The following NELL1 variants were observed in gnomAD, a reference collection of about 807,000 sequenced individuals.
The protein encoded by NELL1 is protein kinase C-binding protein NELL1.
Under a neutral mutation model 107.4 loss-of-function variants are expected in NELL1, and 76 were observed. The observed-to-expected ratio is 0.71, with a 90% confidence interval of 0.59 to 0.86. The LOEUF (loss-of-function observed/expected upper bound fraction) is 0.86. NELL1 is among the 40% of genes least tolerant of loss of function. NELL1 has a pLI of 0.00. For missense variants in NELL1, 1,024 were observed against 1,005.5 expected (o/e 1.02, Z -0.25); for synonymous variants, 353 against 341.2 (o/e 1.03, Z -0.38).
intron 14 of NELL1, among the ~76,000 whole-genome samples, chr11:21,323,211 A>C (rs1250673963): frequency 6.6e-6 from 1 of 152,156 alleles, no homozygotes; most frequent in South Asian, 2.1e-4. Context: ...GAATGTAACA[A>C]ATTTTTAAAC....
chr11:20,748,812 A>C (rs1459132417), intron 2 of NELL1, among the ~76,000 whole-genome samples: 3 of 152,000 alleles, frequency 2.0e-5, no homozygotes, highest in Non-Finnish European at 4.4e-5. Flanking sequence ...TCCACTCATC[A>C]GTTGATGGGC....
intron 5 of NELL1, among the ~76,000 whole-genome samples, chr11:20,895,873 GC>G (rs1054251911): frequency 5.3e-5 from 8 of 152,072 alleles, no homozygotes; most frequent in Admixed American, 5.2e-4. Flanking sequence ...CATCCGTGTT[GC>G]TGCAAATGAC....
In NELL1 at chr11:21,398,717, G is replaced by T. The variant is rs895825119; in HGVS notation, c.1645+27769G>T. Among the ~76,000 whole-genome samples, 18 of 151,666 alleles carry T rather than the reference G, an allele frequency of 1.2e-4. 1 individual carries two copies. Among genetic ancestry groups the T allele is most frequent in the Admixed American group, 3.3e-4 (5 of 15,192 alleles). On this transcript the variant is annotated intron_variant, in intron 15 of 19. Coordinates refer to ENST00000357134, the MANE Select transcript of NELL1 (RefSeq NM_006157.5). ...GGCAGATGCTCAGTAAATGGCCTCT[G>T]AACAGAATTGAATTTTAAGTTCCTT...
intron 13 of NELL1, among the ~76,000 whole-genome samples, chr11:21,119,791 T>G (rs564066173): frequency 6.6e-6 from 1 of 152,184 alleles, no homozygotes; most frequent in African/African-American, 2.4e-5. Flanking sequence ...TGCTTTTGGT[T>G]TTTGGAATAG....
rs373389079 is a variant in NELL1 at position 20,725,695 on chromosome 11, C to T, written c.184+47635C>T. Among the ~76,000 whole-genome samples the T allele has an allele frequency of 3.3e-5, 5 of 152,284 alleles. No individual in the cohort carries two copies. The South Asian group carries it at 8.3e-4, about 25-fold the overall frequency. On this transcript the variant is annotated intron_variant, in intron 2 of 19. Transcript: ENST00000357134. ...GCAGAATAAAAATTAGAATCCAGGT[C>T]GTACTAGGAATTAGTTTTGATGTTT...
chr11:21,365,932 C>T, intron 14 of NELL1, among the ~76,000 whole-genome samples: 1 of 152,126 alleles, frequency 6.6e-6, no homozygotes, highest in East Asian at 1.9e-4. Flanking sequence ...CCACTATTGA[C>T]ATTTTGGGCC....
chr11:21,292,971 A>G (rs1849303483), intron 14 of NELL1, among the ~76,000 whole-genome samples: 1 of 152,168 alleles, frequency 6.6e-6, no homozygotes, highest in Admixed American at 6.5e-5. Context: ...AACCATAAAA[A>G]CCCTAGAAGA....
At chr11:20,928,222 A>G (rs550422658) in intron 8 of NELL1, among the ~76,000 whole-genome samples, 155 bp from the exon 9 acceptor site, 1 of 152,284 alleles carries the variant, frequency 6.6e-6, no homozygotes, top group Non-Finnish European at 1.5e-5. Context: ...CGGGCCGGAG[A>G]AAACACTTCA....
At chr11:21,356,301 T>C (rs1565184669) in intron 14 of NELL1, among the ~76,000 whole-genome samples, 1 of 152,208 alleles carries the variant, frequency 6.6e-6, no homozygotes, top group Non-Finnish European at 1.5e-5. Flanking sequence ...GTGCACAATA[T>C]ATATTTATTG....
intron 15 of NELL1, among the ~76,000 whole-genome samples, chr11:21,434,194 G>A (rs1853043997): frequency 6.6e-6 from 1 of 151,958 alleles, no homozygotes; most frequent in South Asian, 2.1e-4. Context: ...TTTTTTGATT[G>A]ATATAGCCCC....
At chr11:20,757,634 C>T (rs1688065651) in intron 2 of NELL1, among the ~76,000 whole-genome samples, 1 of 152,194 alleles carries the variant, frequency 6.6e-6, no homozygotes, top group Non-Finnish European at 1.5e-5. Flanking sequence ...AAATGAGTTT[C>T]CTTAACTCTT....
chr11:21,038,266 A>G (rs1019084632), intron 12 of NELL1, among the ~76,000 whole-genome samples: 1 of 152,182 alleles, frequency 6.6e-6, no homozygotes, highest in South Asian at 2.1e-4. Flanking sequence ...ATGAGATTCA[A>G]TCAGTGAGGC....
intron 15 of NELL1, among the ~76,000 whole-genome samples, chr11:21,532,914 C>T (rs1365833567): frequency 2.0e-5 from 3 of 152,120 alleles, no homozygotes; most frequent in African/African-American, 7.2e-5. Context: ...ACATATGTCC[C>T]AGAGAACCTG....
chr11:21,169,843 C>G, intron 13 of NELL1: 1 of 1,413,136 alleles, frequency 7.1e-7, no homozygotes, highest in Non-Finnish European at 9.9e-7. Context: ...GTGCTTGCAC[C>G]CCAGAGTCCC....
intron 4 of NELL1, among the ~76,000 whole-genome samples, chr11:20,850,021 G>C (rs1373900906): frequency 6.6e-6 from 1 of 152,146 alleles, no homozygotes; most frequent in Admixed American, 6.5e-5. Flanking sequence ...TTAGAAAGAG[G>C]GGAAGGAATT....
intron 14 of NELL1, among the ~76,000 whole-genome samples, chr11:21,238,488 G>A (rs1427211404): frequency 2.6e-5 from 4 of 152,032 alleles, no homozygotes; most frequent in African/African-American, 9.7e-5. Flanking sequence ...CACTGAGAAG[G>A]ATGACCAGAG....
In NELL1 at chr11:21,422,884, T is replaced by G. The variant is rs142107748; in HGVS notation, c.1645+51936T>G. Among the ~76,000 whole-genome samples the G allele has an allele frequency of 3.2e-3, 482 of 152,194 alleles. 3 individuals carry two copies. Among genetic ancestry groups the G allele is most frequent in the African/African-American group, 0.011 (475 of 41,512 alleles). On this transcript the variant is annotated intron_variant, in intron 15 of 19. Coordinates refer to ENST00000357134, the MANE Select transcript of NELL1 (RefSeq NM_006157.5). ...TAGATTAATCTCTCCAATCAAGAGA[T>G]AGAGATGGGCAGAATGGGTTTTTTA...
intron 5 of NELL1, among the ~76,000 whole-genome samples, chr11:20,894,899 C>T (rs1849692341): frequency 6.6e-6 from 1 of 152,076 alleles, no homozygotes; most frequent in Admixed American, 6.6e-5. Flanking sequence ...ATCAAGTCAA[C>T]GTATTTAGGG....
rs115318466 is a variant in NELL1, at chr11:20,872,060, T to C, written c.507-13384T>C. Reference sequence around the variant, plus strand: ...AAAAAAAAGAAGAGGCCCAACTACTTCCATCATAGGCTTGCTTGGAGCTAT... The same window carrying C: ...AAAAAAAAGAAGAGGCCCAACTACTCCCATCATAGGCTTGCTTGGAGCTAT... On this transcript the variant is annotated intron_variant, in intron 4 of 19. Transcript: ENST00000357134. 4.2e-3 allele frequency among the ~76,000 whole-genome samples: 616 copies of C among 147,516 alleles called. 1 individual carries two copies. Among genetic ancestry groups the C allele is most frequent in the African/African-American group, 0.014 (587 of 40,544 alleles).
Sources: gnomAD v4.1 joint callset for allele counts (sites outside exome capture counted in the v4.1 genomes callset) on GRCh38, gnomAD v4.1.1 for gene constraint, MANE v1.5 for transcripts, NCBI Gene and HGNC (gene_info 2026-07-23, HGNC 2026-07-21) for gene names.